EFEMP1: variants seen among roughly 807,000 people sequenced by gnomAD.
The protein encoded by EFEMP1 is EGF-like fibulin extracellular matrix protein 1.
In EFEMP1, 18 loss-of-function variants were observed where a neutral mutation model predicts 65.7. The observed-to-expected ratio is 0.27, with a 90% CI of 0.19 to 0.41. The LOEUF is 0.41. Ranked by LOEUF, EFEMP1 falls within the 10% of genes least tolerant of loss-of-function variation. The pLI, the probability that EFEMP1 is intolerant of heterozygous loss-of-function variation, is 1.00. For missense variants in EFEMP1, 469 were observed against 624.8 expected, an observed-to-expected ratio of 0.75 and a Z score of 2.66; for synonymous variants, 237 against 219.7, an observed-to-expected ratio of 1.08 and a Z score of -0.70.
intron 5 of EFEMP1, among the ~76,000 whole-genome samples, chr2:55,912,450 A>C (rs549492116): frequency 7.9e-5 from 12 of 152,340 alleles, no homozygotes; most frequent in African/African-American, 2.9e-4. Flanking sequence ...AAATGAAAGA[A>C]GTCAAAGAAA....
At chr2:55,902,067 G>C (rs1223573581) in intron 5 of EFEMP1, among the ~76,000 whole-genome samples, 2 of 152,308 alleles carry the variant, frequency 1.3e-5, no homozygotes, top group African/African-American at 4.8e-5. Flanking sequence ...CCTTGTCAGA[G>C]ACCCAAAGTC....
intron 5 of EFEMP1, among the ~76,000 whole-genome samples, chr2:55,892,998 AT>A (rs994878903): frequency 9.9e-5 from 15 of 152,204 alleles, no homozygotes; most frequent in African/African-American, 3.1e-4. Context: ...GCCTAGGATT[AT>A]TTTTTCCCCT....
rs576331761 is a variant in EFEMP1 at position 55,905,577 on chromosome 2, A to T, written c.517+12088T>A. Among the ~76,000 whole-genome samples the T allele has an allele frequency of 2.6e-5, 4 of 152,116 alleles. No individual in the cohort carries two copies. The East Asian group carries it at 7.7e-4, about 29-fold the overall frequency. ...ATTCTCCTGTCTCAGCCTCCTGAGT[A>T]GCTGGGGACTACAGCCGCATGCCAC... On this transcript the variant is annotated intron_variant, in intron 5 of 11. Transcript: ENST00000355426.
chr2:55,902,969 T>A (rs555524719), intron 5 of EFEMP1, among the ~76,000 whole-genome samples: 4 of 152,352 alleles, frequency 2.6e-5, no homozygotes, highest in Admixed American at 2.6e-4. Context: ...CTCTTTCTCT[T>A]TCCTGTTCTT....
At chr2:55,881,803 A>G in intron 5 of EFEMP1, 69 bp from the exon 6 acceptor site, 1 of 1,592,916 alleles carries the variant, frequency 6.3e-7, no homozygotes, top group Non-Finnish European at 8.6e-7. Flanking sequence ...CCATTTTGCC[A>G]CTTCTTAAGC....
chr2:55,895,742 T>C (rs1017498943), intron 5 of EFEMP1, among the ~76,000 whole-genome samples: 42 of 151,592 alleles, frequency 2.8e-4, no homozygotes, highest in Non-Finnish European at 4.4e-4. Context: ...GGGGTTTCAC[T>C]GTGTTAGCCA....
chr2:55,917,745 G>A lies in EFEMP1; in HGVS notation c.437C>T (p.Pro146Leu), dbSNP rs1395853874. 1.2e-6 allele frequency: 2 copies of A among 1,614,216 alleles called. No homozygotes were observed. The highest frequency in any genetic ancestry group is 2.2e-5 in the South Asian group (2 of 91,086). The change falls in exon 5 of 12, where the codon CCT becomes CTT. Residue 146 changes from proline to leucine, a missense_variant. Pro to Leu is a moderately conservative substitution (Grantham distance 98). Around this residue, in one of 3 missense-constraint regions of EFEMP1, gnomAD observed 399 missense variants for 528.2 expected, o/e 0.76. Coordinates refer to ENST00000355426, the MANE Select transcript of EFEMP1 (RefSeq NM_001039348.3). This position sits in a 1 kb window ranked among gnomAD's most constrained non-coding sequence, Gnocchi z 6.3. ...GGAAGGGTTGGAGGGAATGCGCTGA[G>A]GGTCAGCTGGGTTCCGCCGGATGAC... ...NFVIRRNPAD[P>L]QRIPSNPSHR...
rs146127667 is a variant in EFEMP1 at position 55,904,352 on chromosome 2, T to C, written c.517+13313A>G. ...ATTTTCAGCAATTGCTGTTACCCAG[T>C]TGTGATCTTTGTGGTTAAGAGTTTG... On this transcript the variant is annotated intron_variant, in intron 5 of 11. Transcript: ENST00000355426. Among the ~76,000 whole-genome samples, 342 of 152,338 alleles carry C rather than the reference T, an allele frequency of 2.2e-3. 3 individuals are homozygous for C. Among genetic ancestry groups the C allele is most frequent in the African/African-American group, 8.1e-3 (335 of 41,586 alleles).
At chr2:55,911,728 G>T (rs58682056) in intron 5 of EFEMP1, among the ~76,000 whole-genome samples, 1,913 of 152,132 alleles carry the variant, frequency 0.013, 30 homozygotes, top group African/African-American at 0.033. Context: ...GAGGTGTGTA[G>T]CACAGTCCTG....
In EFEMP1 at chr2:55,877,381, T is replaced by C. The variant is rs1359583563; in HGVS notation, c.760+365A>G. Among the ~76,000 whole-genome samples the C allele has an allele frequency of 6.6e-6, 1 of 152,150 alleles. No individual in the cohort carries two copies. The highest frequency in any genetic ancestry group is 2.4e-5 in the African/African-American group (1 of 41,442). On this transcript the variant is annotated intron_variant, in intron 7 of 11. Transcript: ENST00000355426. This position sits in a 1 kb window ranked among gnomAD's most constrained non-coding sequence, Gnocchi z 4.5. The stretch of plus-strand genomic sequence containing the variant: ...GCATTCTGAAAGGGGAGAAGAGGCA[T>C]GTAAAAATCAGATGCACTTTCAGTG...
At position 55,918,271 on chromosome 2, in the gene EFEMP1, T is replaced by C; in HGVS notation, c.82-4A>G. 6 of 1,614,190 alleles carry C rather than the reference T, an allele frequency of 3.7e-6. No individual in the cohort carries two copies. The highest frequency in any genetic ancestry group is 5.1e-6 in the Non-Finnish European group (6 of 1,180,046). On this transcript the variant is annotated splice_polypyrimidine_tract_variant and splice_region_variant and intron_variant, in intron 3 of 11. Transcript: ENST00000355426. ...ACTCATATCCGTCAGTGCATTGCTG[T>C]GAAGAAAACATCAAAGGTGGGGCCA...
In EFEMP1 at chr2:55,871,040, G is replaced by C. The variant is rs1234876931; in HGVS notation, c.1084C>G (p.Arg362Gly). ...ATGTAGGGATCTTGACAAGGATTTC[G>C]TGGATAACAACGGAAGCCGCCATGA... ...NYHGGFRCYP[R>G]NPCQDPYILT... Residue 362 changes from arginine (R) to glycine (G), a missense_variant, in exon 10 of 12, where the codon CGA (arginine) becomes GGA (glycine). Coordinates refer to ENST00000355426, the MANE Select transcript of EFEMP1 (RefSeq NM_001039348.3). The surrounding 1 kb of genome is among the most constrained non-coding windows in gnomAD (Gnocchi z 4.2). 1 of 1,613,734 alleles carries C rather than the reference G, an allele frequency of 6.2e-7. No individual in the cohort carries two copies. Among genetic ancestry groups the C allele is most frequent in the Non-Finnish European group, 8.5e-7 (1 of 1,179,794 alleles).
intron 3 of EFEMP1, 31 bp from the exon 4 acceptor site, chr2:55,918,298 G>A: frequency 6.2e-7 from 1 of 1,613,800 alleles, no homozygotes; most frequent in Non-Finnish European, 8.5e-7. Context: ...GTGGGGCCAG[G>A]AGACAGTTAA....
intron 5 of EFEMP1, among the ~76,000 whole-genome samples, chr2:55,914,232 G>A (rs1334849758): frequency 6.6e-6 from 1 of 152,072 alleles, no homozygotes; most frequent in African/African-American, 2.4e-5. Context: ...TTTTATAGAT[G>A]CCAAGAATAA....
intron 5 of EFEMP1, among the ~76,000 whole-genome samples, chr2:55,888,626 C>G (rs1289671500): frequency 6.6e-6 from 1 of 152,070 alleles, no homozygotes; most frequent in African/African-American, 2.4e-5. Flanking sequence ...CCTTCTTAAA[C>G]TTAATTATTA....
At chr2:55,892,717 T>C (rs1669676160) in intron 5 of EFEMP1, among the ~76,000 whole-genome samples, 1 of 152,136 alleles carries the variant, frequency 6.6e-6, no homozygotes, top group African/African-American at 2.4e-5. Flanking sequence ...ATACATGGTT[T>C]GTGTGTCTGC....
At chr2:55,916,107 A>ATTTT (rs576215544) in intron 5 of EFEMP1, among the ~76,000 whole-genome samples, 8 of 129,440 alleles carry the variant, frequency 6.2e-5, no homozygotes, top group Non-Finnish European at 1.2e-4. Flanking sequence ...AGTTTCCTTC[A>ATTTT]TTTTTTTTTT....
rs1347688451 is a variant in EFEMP1, at chr2:55,870,905, A to G, written c.1135T>C (p.Cys379Arg). 2 of 1,613,812 alleles carry G rather than the reference A, an allele frequency of 1.2e-6. No homozygotes were observed. Among genetic ancestry groups the G allele is most frequent in the South Asian group, 1.1e-5 (1 of 91,076 alleles). ...YILTPENRCV[C>R]PVSNAMCREL... ...CGGCACATGGCATTTGAGACTGGGCAAACACATCGGCTGCAGAGACAAACA... is the reference window on the plus strand; with the variant it reads ...CGGCACATGGCATTTGAGACTGGGCGAACACATCGGCTGCAGAGACAAACA... Residue 379 changes from cysteine (C) to arginine (R), a missense_variant, in exon 11 of 12, where the codon TGC (cysteine) becomes CGC (arginine). Physicochemically the swap from Cys to Arg is radical, Grantham distance 180. This residue lies in a region of EFEMP1 where 399 missense variants were observed against 528.2 expected (regional missense o/e 0.76). Transcript: ENST00000355426. The surrounding 1 kb of genome is among the most constrained non-coding windows in gnomAD (Gnocchi z 5.8).
At chr2:55,895,850 T>G (rs1411716428) in intron 5 of EFEMP1, among the ~76,000 whole-genome samples, 1 of 152,196 alleles carries the variant, frequency 6.6e-6, no homozygotes, top group Non-Finnish European at 1.5e-5. Flanking sequence ...CAAATTATCT[T>G]TTTTAAGAAA....
Sources: gnomAD v4.1 joint callset for allele counts (sites outside exome capture counted in the v4.1 genomes callset) on GRCh38, gnomAD v4.1.1 for gene constraint, gnomAD v4.1.1 regional missense constraint, Gnocchi (gnomAD v3.1) non-coding constraint, MANE v1.5 for transcripts, NCBI Gene and HGNC (gene_info 2026-07-23, HGNC 2026-07-21) for gene names.